Variants in ST6GALNAC4 observed in about 807,000 individuals in gnomAD.
The protein encoded by ST6GALNAC4 is alpha-N-acetyl-neuraminyl-2,3-beta-galactosyl-1,3-N-acetyl-galactosaminide alpha-2,6-sialyltransferase.
A neutral mutation model predicts 30.4 loss-of-function variants in ST6GALNAC4; 24 were observed. The observed-to-expected ratio is 0.79, with a 90% CI of 0.57 to 1.11. The LOEUF (loss-of-function observed/expected upper bound fraction) is 1.11. ST6GALNAC4 is among the 50% of genes most tolerant of loss of function. ST6GALNAC4 has a pLI of 0.00. For missense variants in ST6GALNAC4, 365 were observed against 430.1 expected (o/e 0.85, Z 1.34); for synonymous variants, 156 against 179.7 (o/e 0.87, Z 1.05).
In ST6GALNAC4 at chr9:127,916,810, A is replaced by C. The variant is rs1459281070; in HGVS notation, c.-76+16T>G. 3.2e-6 allele frequency: 1 copy of C among 311,120 alleles called. No individual in the cohort carries two copies. The highest frequency in any genetic ancestry group is 6.1e-6 in the Non-Finnish European group (1 of 164,922). 19.3% of individuals were successfully genotyped at this position (311,120 alleles called of 1,614,324 possible). A position where few individuals can be genotyped will look rare whatever the true frequency, so the allele number is the denominator to read the frequency against. On this transcript the variant is annotated intron_variant, in intron 1 of 5. Transcript: ENST00000335791. ...GAGAGAGCCAGAAGCCCGGAATTCC[A>C]CCCCATCCATCCTACCTCTCTACCC...
At chr9:127,912,893 C>T (rs1831113238) in intron 3 of ST6GALNAC4, among the ~76,000 whole-genome samples, 2 of 152,224 alleles carry the variant, frequency 1.3e-5, no homozygotes, top group Admixed American at 1.3e-4. Flanking sequence ...ACTCAGCCCC[C>T]ACTTCCTCAT....
At chr9:127,913,650 C>T (rs567213312) in intron 3 of ST6GALNAC4, among the ~76,000 whole-genome samples, 13 of 151,818 alleles carry the variant, frequency 8.6e-5, no homozygotes, top group Admixed American at 5.2e-4. Flanking sequence ...AACATCTGGC[C>T]GGGCACGGTG....
chr9:127,909,601 G>C (rs915294350), intron 5 of ST6GALNAC4, among the ~76,000 whole-genome samples: 13 of 151,394 alleles, frequency 8.6e-5, no homozygotes, highest in African/African-American at 3.2e-4. Context: ...CCCTGACTGT[G>C]GTAAGCACTT....
In ST6GALNAC4 at chr9:127,912,389, G is replaced by A. The variant is rs561669195; in HGVS notation, c.490C>T (p.Arg164Cys). 9.1e-5 allele frequency: 147 copies of A among 1,614,098 alleles called. 3 individuals are homozygous for A. The South Asian group carries it at 1.5e-3, about 16-fold the overall frequency. The part of the protein sequence containing the change: ...GRHMDRVLGG[R>C]TYRTLLQLTR... ...AGCTGCAGCAGCGTGCGGTAGGTGC[G>A]GCCGCCGAGCACCCGGTCCATGTGC... The change falls in exon 4 of 6, where the codon CGC becomes TGC. Residue 164 changes from arginine (R) to cysteine (C), a missense_variant. Physicochemically the swap from Arg to Cys is radical, Grantham distance 180. Transcript: ENST00000335791.
chr9:127,913,023 C>T (rs950235188), intron 3 of ST6GALNAC4, among the ~76,000 whole-genome samples: 2 of 152,216 alleles, frequency 1.3e-5, no homozygotes, highest in Admixed American at 6.5e-5. Flanking sequence ...GTGGCTGGCG[C>T]AGACTGGAGG....
rs1169245025 is a variant in ST6GALNAC4 at position 127,910,412 on chromosome 9, C to A, written c.612-354G>T. ...GGGGAGACAGCATGAGGCAGCAGGGCACCGTGGTTTGAAGTCAGGTGGGGG... is the reference window on the plus strand; with the variant it reads ...GGGGAGACAGCATGAGGCAGCAGGGAACCGTGGTTTGAAGTCAGGTGGGGG... On this transcript the variant is annotated intron_variant, in intron 4 of 5. Coordinates refer to ENST00000335791, the MANE Select transcript of ST6GALNAC4 (RefSeq NM_175039.4). 6 of 1,063,508 alleles carry A rather than the reference C, an allele frequency of 5.6e-6. No individual in the cohort carries two copies. The African/African-American group carries it at 1.0e-4, about 18-fold the overall frequency. The allele number at this position is 1,063,508 out of a possible 1,614,324, so 65.9% of individuals were successfully genotyped here. A position where few individuals can be genotyped will look rare whatever the true frequency, so the allele number is the denominator to read the frequency against.
At chr9:127,914,952 G>C (rs1437797388) in intron 2 of ST6GALNAC4, 111 bp from the exon 3 acceptor site, 3 of 1,015,890 alleles carry the variant, frequency 3.0e-6, no homozygotes, top group South Asian at 4.7e-5. Context: ...GTCTAGAGCA[G>C]CTCCTAGAAC....
intron 4 of ST6GALNAC4, 63 bp downstream of exon 4, chr9:127,912,205 G>C: frequency 6.5e-7 from 1 of 1,549,614 alleles, no homozygotes; most frequent in East Asian, 2.3e-5. Context: ...ATGGACAAGA[G>C]ACTCCCAGAG....
chr9:127,912,817 G>A, intron 3 of ST6GALNAC4, 137 bp from the exon 4 acceptor site: 1 of 1,079,506 alleles, frequency 9.3e-7, no homozygotes, highest in African/African-American at 1.6e-5. Context: ...CCATTTTGCA[G>A]GCTGGGCAGC....
rs768445952 is a variant in ST6GALNAC4 at position 127,914,739 on chromosome 9, C to A, written c.115G>T (p.Asp39Tyr). Residue 39 changes from aspartate (D) to tyrosine (Y), a missense_variant, in exon 3 of 6, where the codon GAC becomes TAC. Transcript: ENST00000335791. ...GLPLCLATCL[D>Y]HHFPTGSRPT... ...CTGGAGCCTGTGGGGAAGTGGTGGT[C>A]CAGGCAGGTGGCCAGGCAGAGGGGC... The A allele has an allele frequency of 8.1e-6, 13 of 1,609,398 alleles. No individual in the cohort carries two copies. In the Middle Eastern group the frequency reaches 8.3e-4, roughly 102 times the overall value.
At chr9:127,909,341 A>G (rs71507948) in intron 5 of ST6GALNAC4, among the ~76,000 whole-genome samples, 1,943 of 151,392 alleles carry the variant, frequency 0.013, 15 homozygotes, top group Non-Finnish European at 0.021. Flanking sequence ...GTGAGCCAAG[A>G]TCGCGCCACT....
At position 127,916,505 on chromosome 9, in the gene ST6GALNAC4, C is replaced by G; in HGVS notation, c.-75-11G>C. The G allele has an allele frequency of 6.4e-7, 1 of 1,559,324 alleles. No individual in the cohort carries two copies. The highest frequency in any genetic ancestry group is 8.8e-7 in the Non-Finnish European group (1 of 1,131,126). On this transcript the variant is annotated splice_polypyrimidine_tract_variant and intron_variant, in intron 1 of 5. Transcript: ENST00000335791. ...GTGGGAGCCGGGCACCTGCCAAGAC[C>G]CAGAAACTCAGAGCCGGGAGGGGTA...
chr9:127,911,184 C>T (rs1701555494), intron 4 of ST6GALNAC4, among the ~76,000 whole-genome samples: 1 of 152,138 alleles, frequency 6.6e-6, no homozygotes. Flanking sequence ...GGCAGGATCA[C>T]GCAGGGCAGG....
chr9:127,912,375 C>G lies in ST6GALNAC4; in HGVS notation c.504G>C (p.Thr168=). The change falls in exon 4 of 6, where the codon ACG becomes ACC. Residue 168 remains threonine (T), a synonymous_variant. Transcript: ENST00000335791. Reference sequence around the variant, plus strand: ...GGTACATCCTGGTGAGCTGCAGCAGCGTGCGGTAGGTGCGGCCGCCGAGCA... The same window carrying G: ...GGTACATCCTGGTGAGCTGCAGCAGGGTGCGGTAGGTGCGGCCGCCGAGCA... ...DRVLGGRTYR[T]LLQLTRMYPG... 6.8e-6 allele frequency: 11 copies of G among 1,614,128 alleles called. No homozygotes were observed. Among genetic ancestry groups the G allele is most frequent in the Non-Finnish European group, 9.3e-6 (11 of 1,180,028 alleles).
chr9:127,909,510 T>A (rs576826987), intron 5 of ST6GALNAC4, among the ~76,000 whole-genome samples: 1 of 150,244 alleles, frequency 6.7e-6, no homozygotes, highest in Non-Finnish European at 1.5e-5. Flanking sequence ...AAAAATCACA[T>A]ATAATATCAA....
Position 127,908,371 on chromosome 9 carries a change from C to A in ST6GALNAC4, c.*21G>T. 1.3e-6 allele frequency: 2 copies of A among 1,514,602 alleles called. No homozygotes were observed. The highest frequency in any genetic ancestry group is 1.8e-6 in the Non-Finnish European group (2 of 1,121,554). The allele number at this position is 1,514,602 out of a possible 1,614,324, so 93.8% of individuals were successfully genotyped here. On this transcript the variant is annotated 3_prime_UTR_variant, in exon 6 of 6. Transcript: ENST00000335791. ...TCCCGGAGGCCTCGCAACGGCATGG[C>A]GACTGGCAGGACGACGGAAGCTACT...
intron 3 of ST6GALNAC4, 54 bp downstream of exon 3, chr9:127,914,602 G>A: frequency 6.8e-7 from 1 of 1,467,716 alleles, no homozygotes; most frequent in South Asian, 1.3e-5. Flanking sequence ...GGTCCGGTTT[G>A]GGACAAGCCC....
chr9:127,912,727 G>A (rs1215907734), intron 3 of ST6GALNAC4, 47 bp from the exon 4 acceptor site: 3 of 1,488,192 alleles, frequency 2.0e-6, no homozygotes, highest in Non-Finnish European at 2.7e-6. Context: ...TGAACACGCA[G>A]CTTACACCCC....
At position 127,916,425 on chromosome 9, in the gene ST6GALNAC4, C is replaced by T. The variant is rs1448266988; in HGVS notation, c.-6G>A. The T allele has an allele frequency of 6.2e-7, 1 of 1,614,166 alleles. No homozygotes were observed. Among genetic ancestry groups the T allele is most frequent in the Non-Finnish European group, 8.5e-7 (1 of 1,180,026 alleles). On this transcript the variant is annotated 5_prime_UTR_variant, in exon 2 of 6. Coordinates refer to ENST00000335791, the MANE Select transcript of ST6GALNAC4 (RefSeq NM_175039.4). ...CCACTTACCGGAGCCTTCATGCTGT[C>T]GCTGTCCCTCAGTAGTCTAGGGGCT...
Sources: gnomAD v4.1 joint callset for allele counts (sites outside exome capture counted in the v4.1 genomes callset) on GRCh38, gnomAD v4.1.1 for gene constraint, MANE v1.5 for transcripts, NCBI Gene and HGNC (gene_info 2026-07-23, HGNC 2026-07-21) for gene names.